SCFD2: variants seen among roughly 807,000 people sequenced by gnomAD.
SCFD2 encodes the protein sec1 family domain containing 2.
Under a neutral mutation model 58.9 loss-of-function variants are expected in SCFD2, and 54 were observed. That is an observed-to-expected ratio of 0.92 (90% confidence interval 0.74 to 1.15). The LOEUF (loss-of-function observed/expected upper bound fraction) is 1.15. SCFD2 is among the 50% of genes most tolerant of loss of function. The pLI, the probability that SCFD2 is intolerant of heterozygous loss-of-function variation, is 0.00. For missense variants in SCFD2, 805 were observed against 836.6 expected, an observed-to-expected ratio of 0.96 and a Z score of 0.47; for synonymous variants, 321 against 335.9, an observed-to-expected ratio of 0.96 and a Z score of 0.49.
intron 5 of SCFD2, among the ~76,000 whole-genome samples, chr4:53,037,252 A>G (rs771687111): frequency 1.3e-5 from 2 of 152,188 alleles, no homozygotes; most frequent in Non-Finnish European, 2.9e-5. Context: ...AGCAAGTTGT[A>G]GAAGTTTAGG....
In SCFD2 at chr4:53,005,342, A is replaced by T. The variant is rs114982951; in HGVS notation, c.1562-84472T>A. On this transcript the variant is annotated intron_variant, in intron 5 of 8. Coordinates refer to ENST00000401642, the MANE Select transcript of SCFD2 (RefSeq NM_152540.4). ...AAACAGCAGTAACCCACCACTGCTGATCTCTGCTGATAGGAAAGCCCCTGG... is the reference window on the plus strand; with the variant it reads ...AAACAGCAGTAACCCACCACTGCTGTTCTCTGCTGATAGGAAAGCCCCTGG... 7.4e-3 allele frequency among the ~76,000 whole-genome samples: 1,124 copies of T among 152,286 alleles called. 15 individuals are homozygous for T. Among genetic ancestry groups the T allele is most frequent in the African/African-American group, 0.026 (1,082 of 41,560 alleles).
intron 5 of SCFD2, among the ~76,000 whole-genome samples, chr4:53,004,463 T>C (rs922306093): frequency 1.3e-5 from 2 of 152,216 alleles, no homozygotes; most frequent in Non-Finnish European, 2.9e-5. Context: ...AGATAGCCCT[T>C]ACACATGCCC....
intron 4 of SCFD2, among the ~76,000 whole-genome samples, chr4:53,263,015 G>A (rs1730872880): frequency 6.6e-6 from 1 of 151,988 alleles, no homozygotes; most frequent in African/African-American, 2.4e-5. Flanking sequence ...GAGCTCTGAA[G>A]TTCTTTCTTC....
At chr4:53,122,490 A>T (rs1231472985) in intron 5 of SCFD2, among the ~76,000 whole-genome samples, 2 of 152,186 alleles carry the variant, frequency 1.3e-5, no homozygotes, top group African/African-American at 4.8e-5. Flanking sequence ...TCCTGCCAAG[A>T]ACTTCAGCCA....
intron 5 of SCFD2, among the ~76,000 whole-genome samples, chr4:52,982,710 GT>G (rs1418169701): frequency 6.6e-6 from 1 of 152,184 alleles, no homozygotes; most frequent in Non-Finnish European, 1.5e-5. Flanking sequence ...GCCTGATACT[GT>G]TTTGAAGCAT....
chr4:52,897,732 A>G (rs1719061647), intron 7 of SCFD2, among the ~76,000 whole-genome samples: 3 of 152,150 alleles, frequency 2.0e-5, no homozygotes, highest in Non-Finnish European at 2.9e-5. Flanking sequence ...AAGGAATGGT[A>G]CCAGCTCCTC....
intron 5 of SCFD2, among the ~76,000 whole-genome samples, chr4:53,048,566 T>C (rs912596481): frequency 6.6e-6 from 1 of 152,042 alleles, no homozygotes; most frequent in African/African-American, 2.4e-5. Context: ...GGAGACCCTG[T>C]CTCTACAGAA....
intron 5 of SCFD2, among the ~76,000 whole-genome samples, chr4:53,008,158 G>A (rs1333284932): frequency 6.6e-6 from 1 of 152,166 alleles, no homozygotes; most frequent in South Asian, 2.1e-4. Context: ...AGGGTCATGC[G>A]TAGGCCCAAG....
intron 5 of SCFD2, among the ~76,000 whole-genome samples, chr4:53,134,099 G>T (rs1173917250): frequency 6.6e-6 from 1 of 152,214 alleles, no homozygotes; most frequent in Admixed American, 6.5e-5. Flanking sequence ...GGCACATACT[G>T]TGTGATTCCA....
chr4:53,091,003 C>A (rs1038520797), intron 5 of SCFD2, among the ~76,000 whole-genome samples: 1 of 152,176 alleles, frequency 6.6e-6, no homozygotes, highest in East Asian at 1.9e-4. Context: ...CTCACAGATT[C>A]ATCACATGAC....
chr4:53,148,100 C>T lies in SCFD2; in HGVS notation c.1312-2518G>A, dbSNP rs528650290. 2.3e-3 allele frequency among the ~76,000 whole-genome samples: 352 copies of T among 152,314 alleles called. 1 individual carries two copies. The highest frequency in any genetic ancestry group is 3.1e-3 in the Non-Finnish European group (211 of 68,024). On this transcript the variant is annotated intron_variant, in intron 4 of 8. Coordinates refer to ENST00000401642, the MANE Select transcript of SCFD2 (RefSeq NM_152540.4). ...TTGCTTTATGTCCCATTTCTAGAAA[C>T]TATGTGTATACATAAAGCATCTATC...
intron 7 of SCFD2, among the ~76,000 whole-genome samples, chr4:52,896,620 C>T (rs1418862618): frequency 1.3e-5 from 2 of 152,164 alleles, no homozygotes; most frequent in Non-Finnish European, 2.9e-5. Flanking sequence ...GTTCTTTTGG[C>T]TTAGGATTGA....
intron 5 of SCFD2, among the ~76,000 whole-genome samples, chr4:52,993,123 C>G (rs1721660592): frequency 6.6e-6 from 1 of 152,140 alleles, no homozygotes; most frequent in African/African-American, 2.4e-5. Context: ...GAAACATGTG[C>G]TGTGTCCACT....
At chr4:53,247,946 C>T (rs375569626) in intron 4 of SCFD2, among the ~76,000 whole-genome samples, 14 of 151,886 alleles carry the variant, frequency 9.2e-5, no homozygotes, top group Non-Finnish European at 1.8e-4. Context: ...GGAACAGCTC[C>T]GGTCTACAGC....
chr4:53,060,317 G>A (rs574784009), intron 5 of SCFD2, among the ~76,000 whole-genome samples: 3 of 152,250 alleles, frequency 2.0e-5, no homozygotes, highest in Non-Finnish European at 4.4e-5. Context: ...GTTGGGAGGT[G>A]GAGATTTGGC....
At chr4:53,174,537 C>A (rs1727271653) in intron 4 of SCFD2, among the ~76,000 whole-genome samples, 1 of 152,044 alleles carries the variant, frequency 6.6e-6, no homozygotes, top group Non-Finnish European at 1.5e-5. Context: ...TAAATAATAT[C>A]CCAAAATGTT....
chr4:53,289,845 G>C (rs1213029601), intron 3 of SCFD2, among the ~76,000 whole-genome samples: 1 of 152,122 alleles, frequency 6.6e-6, no homozygotes, highest in Non-Finnish European at 1.5e-5. Context: ...GCTATACTTA[G>C]ATAAAATAGA....
chr4:52,925,732 T>A (rs368030426), intron 5 of SCFD2, among the ~76,000 whole-genome samples: 48 of 152,262 alleles, frequency 3.2e-4, no homozygotes, highest in African/African-American at 1.0e-3. Flanking sequence ...GTTAAACAGA[T>A]AATAAACCAG....
chr4:53,236,858 T>G (rs1009107927), intron 4 of SCFD2, among the ~76,000 whole-genome samples: 1 of 150,666 alleles, frequency 6.6e-6, no homozygotes, highest in Non-Finnish European at 1.5e-5. Flanking sequence ...ATTTATTTTT[T>G]ATTGATAATT....
Sources: allele counts gnomAD v4.1 joint callset (sites outside exome capture counted in the v4.1 genomes callset), GRCh38; gene constraint gnomAD v4.1.1; transcripts MANE v1.5; gene names NCBI Gene and HGNC (gene_info 2026-07-23, HGNC 2026-07-21).